GPHN: variants seen among roughly 807,000 people sequenced by gnomAD.
The protein encoded by GPHN is gephyrin.
In GPHN, 17 loss-of-function variants were observed where a neutral mutation model predicts 95.5. The ratio of observed to expected loss-of-function variants is 0.18; its 90% confidence interval spans 0.12 to 0.27. The LOEUF (loss-of-function observed/expected upper bound fraction) is 0.27, where lower values mean the gene tolerates loss of function less well. GPHN is among the 10% of genes least tolerant of loss of function. The pLI is 1.00. For missense variants in GPHN, 660 were observed against 978.1 expected (o/e 0.67, Z 4.34); for synonymous variants, 320 against 322.5 (o/e 0.99, Z 0.08).
intron 9 of GPHN, among the ~76,000 whole-genome samples, chr14:66,975,520 G>A (rs1410186642): frequency 1.3e-5 from 2 of 152,144 alleles, no homozygotes; most frequent in East Asian, 1.9e-4. Context: ...TAACAAGCTT[G>A]AGTGTGTAAA....
At chr14:66,884,489 G>A (rs1035513597) in intron 5 of GPHN, among the ~76,000 whole-genome samples, 13 of 152,116 alleles carry the variant, frequency 8.5e-5, no homozygotes, top group Middle Eastern at 3.4e-3. Flanking sequence ...ACTTTACAAG[G>A]TTTAGCACAT....
intron 2 of GPHN, among the ~76,000 whole-genome samples, chr14:66,727,716 A>G: frequency 6.6e-6 from 1 of 152,202 alleles, no homozygotes; most frequent in Middle Eastern, 3.2e-3. Context: ...TCAAGAGGTG[A>G]CTTGGGTGCT....
chr14:66,605,079 A>G (rs778922509), intron 1 of GPHN, among the ~76,000 whole-genome samples: 4 of 152,120 alleles, frequency 2.6e-5, no homozygotes, highest in Non-Finnish European at 5.9e-5. Context: ...TATGTGCCAC[A>G]TTTGCTTTAT....
chr14:67,439,566 T>TTTCTTTC, the GPHN span, among the ~76,000 whole-genome samples: 1 of 124,264 alleles, frequency 8.0e-6, no homozygotes, highest in Non-Finnish European at 1.5e-5. Flanking sequence ...TCTTTCTTTC[T>TTTCTTTC]TTCTTTCTTT....
At chr14:67,571,937 G>C in the GPHN span, 2 of 1,575,206 alleles carry the variant, frequency 1.3e-6, no homozygotes, top group Non-Finnish European at 1.7e-6. Flanking sequence ...GGGTGCAGCA[G>C]CAAGGAGCCC....
At chr14:67,722,566 G>C in the GPHN span, 1 of 1,268,338 alleles carries the variant, frequency 7.9e-7, no homozygotes, top group African/African-American at 1.5e-5. Flanking sequence ...GCTGGAGCCA[G>C]ACCAGGAACC....
chr14:67,285,852 A>G, the GPHN span, among the ~76,000 whole-genome samples: 1 of 152,188 alleles, frequency 6.6e-6, no homozygotes, highest in Non-Finnish European at 1.5e-5. Flanking sequence ...GAGGGAGGAC[A>G]GAGTTTACGA....
chr14:67,336,924 A>AAAT, the GPHN span, among the ~76,000 whole-genome samples: 3 of 152,204 alleles, frequency 2.0e-5, no homozygotes, highest in Admixed American at 6.5e-5. Flanking sequence ...CCAAAGTTTG[A>AAAT]AATATAGATG....
the GPHN span, among the ~76,000 whole-genome samples, chr14:67,498,672 G>A: frequency 3.3e-5 from 5 of 152,062 alleles, no homozygotes; most frequent in Admixed American, 3.3e-4. Flanking sequence ...GTTGTTGTTG[G>A]TTTTCCTTTT....
At chr14:66,852,956 A>T (rs913765316) in intron 4 of GPHN, among the ~76,000 whole-genome samples, 4 of 152,206 alleles carry the variant, frequency 2.6e-5, no homozygotes, top group Admixed American at 2.6e-4. Context: ...ATACACATAA[A>T]TGAGGGTAAT....
chr14:66,594,446 A>G (rs1274610712), intron 1 of GPHN, among the ~76,000 whole-genome samples: 2 of 152,182 alleles, frequency 1.3e-5, no homozygotes, highest in Non-Finnish European at 2.9e-5. Context: ...TCAAAACAGC[A>G]TGGTGCTGGC....
At chr14:67,361,952 T>G in the GPHN span, among the ~76,000 whole-genome samples, 5 of 152,190 alleles carry the variant, frequency 3.3e-5, no homozygotes, top group Non-Finnish European at 7.3e-5. Flanking sequence ...GTATTGTAAT[T>G]ATTTGCTTGC....
chr14:67,100,838 C>G lies in GPHN; in HGVS notation c.1238-18C>G, dbSNP rs754029705. On this transcript the variant is annotated intron_variant, in intron 12 of 22. Coordinates refer to ENST00000478722, the MANE Select transcript of GPHN (RefSeq NM_020806.5). Reference sequence around the variant, plus strand: ...GGTCCATACTGATGTTTGTTCTTGGCTCTGTTCCATCTCACAGCTGCTGAT... The same window carrying G: ...GGTCCATACTGATGTTTGTTCTTGGGTCTGTTCCATCTCACAGCTGCTGAT... The G allele has an allele frequency of 1.3e-6, 2 of 1,571,512 alleles. No homozygotes were observed. The highest frequency in any genetic ancestry group is 1.1e-5 in the South Asian group (1 of 90,254).
At chr14:67,528,843 C>T in the GPHN span, among the ~76,000 whole-genome samples, 3 of 152,170 alleles carry the variant, frequency 2.0e-5, no homozygotes, top group South Asian at 2.1e-4. Flanking sequence ...CAGACAGGTG[C>T]GTGACAATGC....
At chr14:67,344,888 AAAAC>A in the GPHN span, among the ~76,000 whole-genome samples, 4 of 151,902 alleles carry the variant, frequency 2.6e-5, no homozygotes, top group Non-Finnish European at 5.9e-5. Context: ...CTCAAAGAAA[AAAAC>A]AAACAAACAA....
At chr14:66,947,035 A>C (rs757704114) in intron 8 of GPHN, among the ~76,000 whole-genome samples, 2 of 152,192 alleles carry the variant, frequency 1.3e-5, no homozygotes, top group Non-Finnish European at 2.9e-5. Flanking sequence ...GAACCCTTCA[A>C]TGGATTCTTA....
chr14:67,155,203 T>C (rs1212968687), intron 18 of GPHN, among the ~76,000 whole-genome samples: 1 of 152,228 alleles, frequency 6.6e-6, no homozygotes, highest in Non-Finnish European at 1.5e-5. Context: ...AAAGACAATC[T>C]GCAGATAAAC....
chr14:67,089,314 T>C (rs1461006588), intron 12 of GPHN, among the ~76,000 whole-genome samples: 1 of 151,942 alleles, frequency 6.6e-6, no homozygotes, highest in East Asian at 1.9e-4. Flanking sequence ...AAAAGTTACA[T>C]GAAAATTCTC....
At chr14:66,771,272 C>G (rs115583059) in intron 2 of GPHN, among the ~76,000 whole-genome samples, 1 of 152,180 alleles carries the variant, frequency 6.6e-6, no homozygotes, top group African/African-American at 2.4e-5. Context: ...TTACCTCTTT[C>G]ATTTCCCTCC....
Sources: allele counts gnomAD v4.1 joint callset (sites outside exome capture counted in the v4.1 genomes callset), GRCh38; gene constraint gnomAD v4.1.1; transcripts MANE v1.5; gene names NCBI Gene and HGNC (gene_info 2026-07-23, HGNC 2026-07-21).